Variants in ZNF385D observed in about 807,000 individuals in gnomAD.
ZNF385D encodes zinc finger protein 385D.
In ZNF385D, 15 loss-of-function variants were observed where a neutral mutation model predicts 35.8. The observed-to-expected ratio is 0.42, with a 90% confidence interval of 0.28 to 0.64. The LOEUF is 0.64. Ranked by LOEUF, ZNF385D falls within the 30% of genes least tolerant of loss-of-function variation. The pLI is 0.23. For missense variants in ZNF385D, 474 were observed against 494.6 expected (o/e 0.96, Z 0.39); for synonymous variants, 212 against 186.8 (o/e 1.13, Z -1.10).
chr3:22,206,684 G>T (rs184529843), intron 2 of ZNF385D, among the ~76,000 whole-genome samples: 1 of 151,922 alleles, frequency 6.6e-6, no homozygotes, highest in Admixed American at 6.6e-5. Context: ...ACAACGGAGT[G>T]AATGAAGAGA....
At chr3:22,095,232 A>G (rs1701552064) in intron 3 of ZNF385D, among the ~76,000 whole-genome samples, 1 of 151,594 alleles carries the variant, frequency 6.6e-6, no homozygotes, top group Non-Finnish European at 1.5e-5. Flanking sequence ...TGGTCCCCAA[A>G]TTCTTTATCC....
chr3:21,521,276 A>C (rs1707884659), intron 3 of ZNF385D, among the ~76,000 whole-genome samples: 1 of 152,176 alleles, frequency 6.6e-6, no homozygotes, highest in Non-Finnish European at 1.5e-5. Context: ...GGAGAACAAG[A>C]CCACAAGTAA....
intron 2 of ZNF385D, among the ~76,000 whole-genome samples, chr3:22,173,068 T>C (rs1694574970): frequency 6.6e-6 from 1 of 152,190 alleles, no homozygotes; most frequent in Non-Finnish European, 1.5e-5. Context: ...CAATGGTATT[T>C]CACCTCTGTG....
In ZNF385D at chr3:21,751,092, C is replaced by T. The variant is rs2070056860; in HGVS notation, c.-176G>A. On this transcript the variant is annotated 5_prime_UTR_variant, in exon 1 of 8. Transcript: ENST00000281523. ...GATGAGCGCCTTGCAGGCTGCCTTT[C>T]CAGGGCTAAGATCCCCGGCGGCTGG... 4 of 1,494,442 alleles carry T rather than the reference C, an allele frequency of 2.7e-6. No individual in the cohort carries two copies. In the South Asian group the frequency reaches 5.5e-5, roughly 20 times the overall value. 92.6% of individuals were successfully genotyped at this position (1,494,442 alleles called of 1,614,324 possible). A position where few individuals can be genotyped will look rare whatever the true frequency, so the allele number is the denominator to read the frequency against.
Position 21,670,646 on chromosome 3 carries a change from AG to A in ZNF385D, c.23-5619del, listed in dbSNP as rs1314807235. Reference sequence around the variant, plus strand: ...GCTGAGAAATAAAAATGAAATCCTAAGGCGCCCCCCCCCCCCCCCCCCCCCC... The same window carrying A: ...GCTGAGAAATAAAAATGAAATCCTAAGCGCCCCCCCCCCCCCCCCCCCCCC... On this transcript the variant is annotated intron_variant, in intron 1 of 7. Transcript: ENST00000281523. Among the ~76,000 whole-genome samples, 60 of 49,628 alleles carry A rather than the reference AG, an allele frequency of 1.2e-3. 14 individuals are homozygous for A. The highest frequency in any genetic ancestry group is 3.2e-3 in the African/African-American group (38 of 11,782). 32.6% of individuals were successfully genotyped at this position (49,628 alleles called of 152,430 possible). A position where few individuals can be genotyped will look rare whatever the true frequency, so the allele number is the denominator to read the frequency against.
At position 21,412,392 on chromosome 3, in the gene ZNF385D, A is replaced by G. The variant is rs972019197; in HGVS notation, c.*8822T>C. 6 of 152,100 alleles carry G rather than the reference A, an allele frequency of 3.9e-5. No individual in the cohort carries two copies. Among genetic ancestry groups the G allele is most frequent in the African/African-American group, 1.4e-4 (6 of 41,434 alleles). 9.4% of individuals were successfully genotyped at this position (152,100 alleles called of 1,614,324 possible). A position where few individuals can be genotyped will look rare whatever the true frequency, so the allele number is the denominator to read the frequency against. On this transcript the variant is annotated 3_prime_UTR_variant, in exon 8 of 8. Transcript: ENST00000281523. ...GGAGTATATTACAAACAAGTGGAATAGAACATAGAGAATACATAATTTGTT... is the reference window on the plus strand; with the variant it reads ...GGAGTATATTACAAACAAGTGGAATGGAACATAGAGAATACATAATTTGTT...
intron 3 of ZNF385D, among the ~76,000 whole-genome samples, chr3:22,153,263 T>TC: frequency 6.6e-6 from 1 of 152,108 alleles, no homozygotes; most frequent in Non-Finnish European, 1.5e-5. Context: ...ACTCTATAGT[T>TC]CCCCTGAGGT....
In ZNF385D at chr3:21,496,973, C is replaced by A. The variant is rs1575051605; in HGVS notation, c.439+13888G>T. On this transcript the variant is annotated intron_variant, in intron 4 of 7. Transcript: ENST00000281523. ...TGAATGGGCAAAGCTGGAAGAATTA[C>A]CCTTGAGAACCGAAACAAGACAAGG... 2.6e-5 allele frequency among the ~76,000 whole-genome samples: 4 copies of A among 152,236 alleles called. No individual in the cohort carries two copies. The South Asian group carries it at 8.3e-4, about 32-fold the overall frequency.
chr3:21,611,180 G>C (rs1438535213), intron 2 of ZNF385D, among the ~76,000 whole-genome samples: 1 of 152,148 alleles, frequency 6.6e-6, no homozygotes, highest in African/African-American at 2.4e-5. Context: ...GCACATCACA[G>C]GTCCTGCCCA....
In ZNF385D at chr3:22,346,180, A is replaced by G. The variant is rs1027791512; in HGVS notation, c.106+26270T>C. Among the ~76,000 whole-genome samples, 3 of 152,232 alleles carry G rather than the reference A, an allele frequency of 2.0e-5. No homozygotes were observed. In the South Asian group the frequency reaches 6.2e-4, roughly 31 times the overall value. ...CACTCCTGTTAGCCTTTATGCCTAT[A>G]GAATGACTTAATTTATAAGCCAGGC... On this transcript the variant is annotated intron_variant, in intron 2 of 5. Transcript: ENST00000494108.
intron 3 of ZNF385D, among the ~76,000 whole-genome samples, chr3:22,099,537 G>C (rs1576318021): frequency 6.6e-6 from 1 of 152,072 alleles, no homozygotes; most frequent in African/African-American, 2.4e-5. Flanking sequence ...GGGATTTGTA[G>C]GAAATGTGTG....
chr3:21,421,283 C>G lies in ZNF385D; in HGVS notation c.1119G>C (p.Pro373=), dbSNP rs199783115. 20 of 1,613,868 alleles carry G rather than the reference C, an allele frequency of 1.2e-5. No homozygotes were observed. Among genetic ancestry groups the G allele is most frequent in the Non-Finnish European group, 1.5e-5 (18 of 1,180,014 alleles). ...GTCCAGGAGCTGGCCGCAGGAGTGCCGGAGGAAGCGCGGAAGTCTGGAACA... is the reference window on the plus strand; with the variant it reads ...GTCCAGGAGCTGGCCGCAGGAGTGCGGGAGGAAGCGCGGAAGTCTGGAACA... ...ATLFQTSALP[P]ALLRPAPGPI... is the part of the protein sequence containing the mutation. The change falls in exon 8 of 8, where the codon CCG becomes CCC. Residue 373 remains proline (P), a synonymous_variant. Transcript: ENST00000281523.
intron 3 of ZNF385D, among the ~76,000 whole-genome samples, chr3:21,786,740 T>C (rs1200830212): frequency 6.6e-6 from 1 of 152,200 alleles, no homozygotes; most frequent in Non-Finnish European, 1.5e-5. Context: ...TTTTTAGCAT[T>C]ATGCTTTTGC....
intron 3 of ZNF385D, among the ~76,000 whole-genome samples, chr3:22,136,287 C>G (rs1489919546): frequency 6.6e-6 from 1 of 152,064 alleles, no homozygotes; most frequent in Admixed American, 6.5e-5. Flanking sequence ...ACTCGGGAGG[C>G]TGAGGTACGA....
At chr3:22,255,605 A>G (rs1700275012) in intron 2 of ZNF385D, among the ~76,000 whole-genome samples, 1 of 151,830 alleles carries the variant, frequency 6.6e-6, no homozygotes, top group Admixed American at 6.6e-5. Context: ...GGTGGCCTCT[A>G]TTATATTTCT....
intron 3 of ZNF385D, among the ~76,000 whole-genome samples, chr3:21,772,381 C>CAAA (rs1452309356): frequency 1.3e-5 from 2 of 151,552 alleles, no homozygotes; most frequent in Non-Finnish European, 2.9e-5. Context: ...AACTTAACAA[C>CAAA]AACAACAAAA....
intron 3 of ZNF385D, among the ~76,000 whole-genome samples, chr3:22,102,031 T>A (rs1298373095): frequency 1.3e-5 from 2 of 151,436 alleles, no homozygotes; most frequent in African/African-American, 4.9e-5. Context: ...AGGATGAAAG[T>A]TAAAATGTGG....
At chr3:22,319,913 C>G (rs1182447108) in intron 2 of ZNF385D, among the ~76,000 whole-genome samples, 1 of 151,874 alleles carries the variant, frequency 6.6e-6, no homozygotes, top group Non-Finnish European at 1.5e-5. Context: ...GTTGCTATGT[C>G]CCATAGGTTT....
intron 3 of ZNF385D, among the ~76,000 whole-genome samples, chr3:21,946,358 A>T: frequency 6.6e-6 from 1 of 152,186 alleles, no homozygotes; most frequent in East Asian, 1.9e-4. Flanking sequence ...AAGAAATTCA[A>T]CACATAAAGC....
Sources: gnomAD v4.1 joint callset for allele counts (sites outside exome capture counted in the v4.1 genomes callset) on GRCh38, gnomAD v4.1.1 for gene constraint, MANE v1.5 for transcripts, NCBI Gene and HGNC (gene_info 2026-07-23, HGNC 2026-07-21) for gene names.